Variants in CASK observed in about 807,000 individuals in gnomAD.
The protein encoded by CASK is peripheral plasma membrane protein CASK.
A neutral mutation model predicts 82.9 loss-of-function variants in CASK; 4 were observed. The observed-to-expected ratio is 0.05, with a 90% CI of 0.02 to 0.11. The LOEUF is 0.11. CASK is among the 10% of genes least tolerant of loss of function. The pLI is 1.00. For missense variants in CASK, 358 were observed against 720.9 expected, an observed-to-expected ratio of 0.50 and a Z score of 5.76; for synonymous variants, 259 against 253.5, an observed-to-expected ratio of 1.02 and a Z score of -0.20.
intron 5 of CASK, chrX:41,675,668 G>A (rs938030399): frequency 8.9e-5 from 71 of 794,636 alleles, no homozygotes; most frequent in Non-Finnish European, 1.1e-4. Flanking sequence ...GTCATAAATC[G>A]TAAATAAAAA....
intron 5 of CASK, among the ~76,000 whole-genome samples, chrX:41,673,863 A>G (rs1481949576): frequency 1.1e-5 from 1 of 90,192 alleles, no homozygotes; most frequent in Non-Finnish European, 2.1e-5. Flanking sequence ...GCCTCCCATC[A>G]TCAATATTTA....
At chrX:41,879,299 T>C (rs1316450044) in intron 1 of CASK, among the ~76,000 whole-genome samples, 1 of 111,655 alleles carries the variant, frequency 9.0e-6, no homozygotes, top group African/African-American at 3.3e-5. Context: ...AGTGGATGCC[T>C]GAAACTGTGG....
chrX:41,898,479 C>T (rs1302513703), intron 1 of CASK, among the ~76,000 whole-genome samples: 1 of 110,300 alleles, frequency 9.1e-6, no homozygotes, highest in African/African-American at 3.3e-5. Flanking sequence ...CTTTTTTGGC[C>T]TCGAGCTTAG....
chrX:41,898,652 C>T (rs1437377587), intron 1 of CASK, among the ~76,000 whole-genome samples: 2 of 111,561 alleles, frequency 1.8e-5, no homozygotes, highest in East Asian at 5.6e-4. Context: ...TTTCATTTGC[C>T]TCAAGATTTT....
intron 5 of CASK, among the ~76,000 whole-genome samples, chrX:41,716,265 G>C (rs1339217158): frequency 3.6e-5 from 4 of 112,368 alleles, no homozygotes; most frequent in African/African-American, 1.3e-4. Context: ...TGGGCAGAGA[G>C]ATATCTTCCT....
rs1210998931 is a variant in CASK, at chrX:41,622,293, A to T, written c.1033+324T>A. 3.6e-5 allele frequency among the ~76,000 whole-genome samples: 4 copies of T among 112,533 alleles called. No individual in the cohort carries two copies. In the Admixed American group the frequency reaches 3.8e-4, roughly 11 times the overall value. ...TACCCTGAAAGTTTTCTTGAAAGCA[A>T]ACTCTAAAATAAATGTTACTCTTTC... is the stretch of plus-strand genomic sequence containing the variant. On this transcript the variant is annotated intron_variant, in intron 11 of 26. Transcript: ENST00000378163.
intron 1 of CASK, among the ~76,000 whole-genome samples, chrX:41,874,910 C>G (rs2071782309): frequency 8.9e-6 from 1 of 112,630 alleles, no homozygotes; most frequent in Non-Finnish European, 1.9e-5. Context: ...ATACTCTTAG[C>G]TCTGCAATAA....
At chrX:41,896,901 T>C (rs997171896) in intron 1 of CASK, among the ~76,000 whole-genome samples, 4 of 112,253 alleles carry the variant, frequency 3.6e-5, no homozygotes, top group East Asian at 2.8e-4. Context: ...TATCTAACTA[T>C]ATTTTGGTGA....
intron 3 of CASK, among the ~76,000 whole-genome samples, chrX:41,768,391 T>G (rs1602592658): frequency 9.0e-6 from 1 of 111,701 alleles, no homozygotes; most frequent in African/African-American, 3.2e-5. Context: ...TACTAACTCA[T>G]GTATGCACAT....
chrX:41,923,103 C>T lies in CASK; in HGVS notation c.-115G>A. The T allele has an allele frequency of 4.7e-6, 3 of 635,746 alleles. No homozygotes were observed. Among genetic ancestry groups the T allele is most frequent in the Non-Finnish European group, 7.5e-6 (3 of 402,331 alleles). The allele number at this position is 635,746 out of a possible 1,213,427, so 52.4% of individuals were successfully genotyped here. On this transcript the variant is annotated 5_prime_UTR_variant, in exon 1 of 27. Coordinates refer to ENST00000378163, the MANE Select transcript of CASK (RefSeq NM_001367721.1). The stretch of plus-strand genomic sequence containing the variant: ...CTCCTCCCCTCAGGACCCGCGAGCC[C>T]TCGGTGCCGAGGACGCTCGAGTGGG...
chrX:41,599,007 T>C (rs1051192532), intron 12 of CASK, among the ~76,000 whole-genome samples: 2 of 111,852 alleles, frequency 1.8e-5, no homozygotes, highest in African/African-American at 6.5e-5. Context: ...CTAAATTTGT[T>C]TCTCATCTTA....
intron 8 of CASK, among the ~76,000 whole-genome samples, chrX:41,637,216 G>T (rs2066570522): frequency 9.2e-6 from 1 of 108,774 alleles, no homozygotes; most frequent in African/African-American, 3.3e-5. Context: ...GCCTCCCAGA[G>T]TGCTGGGATT....
At chrX:41,669,699 G>C (rs2067169437) in intron 6 of CASK, among the ~76,000 whole-genome samples, 1 of 111,694 alleles carries the variant, frequency 9.0e-6, no homozygotes, top group African/African-American at 3.3e-5. Flanking sequence ...CTATGTAGTT[G>C]TCCAAAAAGC....
chrX:41,744,242 G>C (rs2068646202), intron 4 of CASK, among the ~76,000 whole-genome samples: 1 of 111,346 alleles, frequency 9.0e-6, no homozygotes, highest in African/African-American at 3.3e-5. Context: ...TACAGGAGTG[G>C]GTAATTATGA....
At chrX:41,643,359 T>A (rs1337920089) in intron 8 of CASK, among the ~76,000 whole-genome samples, 2 of 111,826 alleles carry the variant, frequency 1.8e-5, no homozygotes, top group Non-Finnish European at 3.8e-5. Context: ...TAAATTACTT[T>A]GGGCAGTATG....
chrX:41,640,977 CTTTTTTTTTTT>C (rs933827422), intron 8 of CASK, among the ~76,000 whole-genome samples: 1 of 49,716 alleles, frequency 2.0e-5, no homozygotes, highest in Non-Finnish European at 3.6e-5. Context: ...GGTATCTCGT[CTTTTTTTTTTT>C]TTTTTTTTTT....
chrX:41,567,746 C>T (rs2065341125), intron 16 of CASK, among the ~76,000 whole-genome samples: 2 of 111,302 alleles, frequency 1.8e-5, no homozygotes, highest in South Asian at 7.6e-4. Flanking sequence ...TGAGTATATA[C>T]CTAAAGGATT....
At chrX:41,901,918 C>G (rs893111759) in intron 1 of CASK, among the ~76,000 whole-genome samples, 1 of 111,592 alleles carries the variant, frequency 9.0e-6, no homozygotes, top group Admixed American at 9.5e-5. Flanking sequence ...GATTCAAGGA[C>G]GCAGGCTTGG....
chrX:41,894,115 C>T (rs1297640494), intron 1 of CASK, among the ~76,000 whole-genome samples: 2 of 110,541 alleles, frequency 1.8e-5, no homozygotes, highest in Non-Finnish European at 3.8e-5. Flanking sequence ...TAAATATATT[C>T]AAAGAATTAA....
Sources: gnomAD v4.1 joint callset for allele counts (sites outside exome capture counted in the v4.1 genomes callset) on GRCh38, gnomAD v4.1.1 for gene constraint, MANE v1.5 for transcripts, NCBI Gene and HGNC (gene_info 2026-07-23, HGNC 2026-07-21) for gene names.